The following FAM117A variants were observed in gnomAD, a reference collection of about 807,000 sequenced individuals.
The protein encoded by FAM117A is protein FAM117A.
In FAM117A, 21 loss-of-function variants were observed where a neutral mutation model predicts 44.1. That is an observed-to-expected ratio of 0.48 (90% confidence interval 0.34 to 0.69). The LOEUF (loss-of-function observed/expected upper bound fraction) is 0.69. Ranked by LOEUF, FAM117A falls within the 30% of genes least tolerant of loss-of-function variation. FAM117A has a pLI of 0.01. For synonymous variants in FAM117A, 220 were observed against 238.3 expected (o/e 0.92, Z 0.71); for missense variants, 498 against 589.9 (o/e 0.84, Z 1.61).
At chr17:49,758,624 A>G in intron 1 of FAM117A, among the ~76,000 whole-genome samples, 1 of 121,522 alleles carries the variant, frequency 8.2e-6, no homozygotes. Context: ...ACTGTCTCAA[A>G]AAAAAAAAAA....
At chr17:49,759,003 AACC>A (rs1467976684) in intron 1 of FAM117A, among the ~76,000 whole-genome samples, 1 of 152,236 alleles carries the variant, frequency 6.6e-6, no homozygotes, top group African/African-American at 2.4e-5. Context: ...AAAGCCCACC[AACC>A]ACTGTGGTAA....
chr17:49,775,398 A>G (rs1219662486), intron 1 of FAM117A, among the ~76,000 whole-genome samples: 4 of 152,168 alleles, frequency 2.6e-5, no homozygotes, highest in African/African-American at 9.6e-5. Flanking sequence ...GATTTCCTGT[A>G]CCCAACACAT....
upstream of FAM117A, among the ~76,000 whole-genome samples, chr17:49,768,287 C>T (rs145689957): frequency 6.6e-6 from 1 of 152,280 alleles, no homozygotes; most frequent in East Asian, 1.9e-4. Flanking sequence ...CTCGCTGGGC[C>T]TACATCCAGG....
chr17:49,754,117 T>A (rs1161197672), intron 1 of FAM117A, among the ~76,000 whole-genome samples: 1 of 147,922 alleles, frequency 6.8e-6, no homozygotes, highest in Non-Finnish European at 1.5e-5. Flanking sequence ...TGCTATCCAC[T>A]CCCACCCCAA....
chr17:49,742,783 A>AAGT (rs2073639987), intron 1 of FAM117A, among the ~76,000 whole-genome samples: 1 of 152,208 alleles, frequency 6.6e-6, no homozygotes, highest in Admixed American at 6.5e-5. Flanking sequence ...GATTTCCATC[A>AAGT]AGTAGGAAAG....
At chr17:49,714,617 C>A (rs750941809) in intron 7 of FAM117A, among the ~76,000 whole-genome samples, 4 of 151,240 alleles carry the variant, frequency 2.6e-5, no homozygotes, top group Admixed American at 2.6e-4. Context: ...GCATTACAGG[C>A]GTGAGCCACT....
upstream of FAM117A, chr17:49,764,221 C>A: frequency 2.3e-6 from 1 of 435,882 alleles, no homozygotes. Context: ...ACTGCGGAAA[C>A]CCAGACCTTC....
chr17:49,786,353 A>T (rs1314175615), intron 1 of FAM117A, among the ~76,000 whole-genome samples: 1 of 152,200 alleles, frequency 6.6e-6, no homozygotes. Context: ...ATTCTAAAAC[A>T]CTAATTTCCA....
At chr17:49,750,670 G>T (rs1205404702) in intron 1 of FAM117A, among the ~76,000 whole-genome samples, 2 of 152,118 alleles carry the variant, frequency 1.3e-5, no homozygotes, top group African/African-American at 4.8e-5. Context: ...CAGCTACTTG[G>T]GAGGCTGAGA....
chr17:49,739,021 G>T (rs564833476), intron 1 of FAM117A, among the ~76,000 whole-genome samples: 1 of 152,178 alleles, frequency 6.6e-6, no homozygotes, highest in Non-Finnish European at 1.5e-5. Flanking sequence ...GGCTGGTGCA[G>T]CATGGCCACC....
intron 2 of FAM117A, among the ~76,000 whole-genome samples, chr17:49,730,867 T>G (rs1389305806): frequency 6.6e-6 from 1 of 152,142 alleles, no homozygotes; most frequent in Non-Finnish European, 1.5e-5. Context: ...CTGCAGCAAA[T>G]TCTTGTTGAT....
rs1442077542 is a variant in FAM117A, at chr17:49,735,337, G to A, written c.197-2617C>T. ...CCCGGGAAGCGGAGGCTGCAGTGAG[G>A]TGAGATCACGCCACTGCACTCCAGC... is the stretch of plus-strand genomic sequence containing the variant. On this transcript the variant is annotated intron_variant, in intron 1 of 7. Transcript: ENST00000240364. Among the ~76,000 whole-genome samples the A allele has an allele frequency of 2.0e-5, 3 of 151,566 alleles. No individual in the cohort carries two copies. In the East Asian group the frequency reaches 5.8e-4, roughly 29 times the overall value.
At position 49,716,328 on chromosome 17, in the gene FAM117A, C is replaced by T. The variant is rs755409557; in HGVS notation, c.911-13G>A. Reference sequence around the variant, plus strand: ...CCTGGAGAGGAGGCTGTGAACAGAGCAAGGCTAAGTCTAGTGGAGATGAAG... The same window carrying T: ...CCTGGAGAGGAGGCTGTGAACAGAGTAAGGCTAAGTCTAGTGGAGATGAAG... On this transcript the variant is annotated splice_polypyrimidine_tract_variant and intron_variant, in intron 6 of 7. Coordinates refer to ENST00000240364, the MANE Select transcript of FAM117A (RefSeq NM_030802.4). 1.1e-5 allele frequency: 17 copies of T among 1,558,194 alleles called. No individual in the cohort carries two copies. The highest frequency in any genetic ancestry group is 9.6e-6 in the Non-Finnish European group (11 of 1,151,380).
At chr17:49,732,284 A>C (rs1442819080) in intron 2 of FAM117A, 1 of 292,768 alleles carries the variant, frequency 3.4e-6, no homozygotes, top group African/African-American at 2.1e-5. Context: ...AGGCACCTGT[A>C]ATCCCAGCCA....
chr17:49,734,645 G>T (rs1014707384), intron 1 of FAM117A, among the ~76,000 whole-genome samples: 11 of 151,698 alleles, frequency 7.3e-5, no homozygotes, highest in Admixed American at 3.3e-4. Flanking sequence ...ACACTAAAAG[G>T]TTGGCAGTTC....
intron 1 of FAM117A, among the ~76,000 whole-genome samples, chr17:49,784,785 T>A (rs1011622826): frequency 2.0e-5 from 3 of 152,210 alleles, no homozygotes; most frequent in African/African-American, 7.2e-5. Flanking sequence ...TACTCTACAG[T>A]GTTTTGTAAG....
intron 2 of FAM117A, among the ~76,000 whole-genome samples, chr17:49,724,864 GA>G (rs2073552933): frequency 6.8e-6 from 1 of 147,160 alleles, no homozygotes. Flanking sequence ...AGAAAAAAAA[GA>G]AAAGAAAAAG....
intron 2 of FAM117A, among the ~76,000 whole-genome samples, chr17:49,731,726 A>C (rs1444989348): frequency 6.6e-6 from 1 of 152,236 alleles, no homozygotes; most frequent in South Asian, 2.1e-4. Context: ...TTCTTTGGGA[A>C]ATACAAACTC....
At chr17:49,715,819 G>GCT (rs142446168) in intron 7 of FAM117A, among the ~76,000 whole-genome samples, 3 of 151,662 alleles carry the variant, frequency 2.0e-5, no homozygotes, top group South Asian at 2.1e-4. Flanking sequence ...TCTCGCTCTC[G>GCT]CTCTCTCTCT....
Sources: allele counts gnomAD v4.1 joint callset (sites outside exome capture counted in the v4.1 genomes callset), GRCh38; gene constraint gnomAD v4.1.1; transcripts MANE v1.5; gene names NCBI Gene and HGNC (gene_info 2026-07-23, HGNC 2026-07-21).